SNTG2: variants seen among roughly 807,000 people sequenced by gnomAD.
SNTG2 encodes the protein syntrophin gamma 2, also known as gamma-2-syntrophin.
SNTG2 carries 74 observed loss-of-function variants against 70.9 expected under a neutral mutation model. The ratio of observed to expected loss-of-function variants is 1.04; its 90% CI spans 0.86 to 1.27. The LOEUF (loss-of-function observed/expected upper bound fraction) is 1.27. SNTG2 is among the 50% of genes most tolerant of loss of function. SNTG2 has a pLI of 0.00. For missense variants in SNTG2, 717 were observed against 690.7 expected, an observed-to-expected ratio of 1.04 and a Z score of -0.43; for synonymous variants, 278 against 273.8, an observed-to-expected ratio of 1.02 and a Z score of -0.15.
rs546960187 is a variant in SNTG2 at position 1,100,269 on chromosome 2, C to T, written c.325+1859C>T. Among the ~76,000 whole-genome samples the T allele has an allele frequency of 5.3e-5, 8 of 152,064 alleles. No homozygotes were observed. The South Asian group carries it at 6.2e-4, about 12-fold the overall frequency. ...GCAACCTCCACCTCCCAGGTTCAAG[C>T]GATTCTTCTGCCTCAGCCTCCCGAG... On this transcript the variant is annotated intron_variant, in intron 4 of 16. Transcript: ENST00000308624.
At chr2:953,205 G>A (rs1267868864) in intron 1 of SNTG2, among the ~76,000 whole-genome samples, 1 of 152,166 alleles carries the variant, frequency 6.6e-6, no homozygotes, top group Non-Finnish European at 1.5e-5. Context: ...TGAGTTCATG[G>A]AGCTCTGTCT....
chr2:1,100,159 T>C (rs1225742541), intron 4 of SNTG2, among the ~76,000 whole-genome samples: 1 of 152,044 alleles, frequency 6.6e-6, no homozygotes. Flanking sequence ...CCAGGGTTTT[T>C]TTTTTTGGTT....
intron 1 of SNTG2, among the ~76,000 whole-genome samples, chr2:1,001,191 C>T (rs1257855021): frequency 6.6e-6 from 1 of 151,968 alleles, no homozygotes; most frequent in African/African-American, 2.4e-5. Flanking sequence ...CAAAAACATG[C>T]TCCTAAGAGC....
At chr2:1,271,945 A>G (rs1204570045) in intron 14 of SNTG2, among the ~76,000 whole-genome samples, 3 of 152,074 alleles carry the variant, frequency 2.0e-5, no homozygotes, top group Non-Finnish European at 4.4e-5. Flanking sequence ...CTTCTCGTCA[A>G]GGGAACGCTA....
At chr2:1,351,533 G>A (rs1439467738) in intron 16 of SNTG2, among the ~76,000 whole-genome samples, 1 of 152,072 alleles carries the variant, frequency 6.6e-6, no homozygotes, top group Non-Finnish European at 1.5e-5. Flanking sequence ...CTAACCCGAC[G>A]AATCTGAACA....
chr2:1,178,333 C>T (rs902376238), intron 8 of SNTG2, among the ~76,000 whole-genome samples: 1 of 152,174 alleles, frequency 6.6e-6, no homozygotes, highest in African/African-American at 2.4e-5. Context: ...GAACTTCCAA[C>T]ACTATGTTGA....
At chr2:1,292,249 T>G (rs893889387) in intron 14 of SNTG2, among the ~76,000 whole-genome samples, 33 of 152,274 alleles carry the variant, frequency 2.2e-4, no homozygotes, top group African/African-American at 7.2e-4. Flanking sequence ...GATTTTTTTT[T>G]GTTCTGTCTT....
In SNTG2 at chr2:1,365,099, T is replaced by C. The variant is rs368090418; in HGVS notation, c.1489-2244T>C. Among the ~76,000 whole-genome samples, 4 of 139,806 alleles carry C rather than the reference T, an allele frequency of 2.9e-5. No homozygotes were observed. In the South Asian group the frequency reaches 9.5e-4, roughly 33 times the overall value. 91.7% of individuals were successfully genotyped at this position (139,806 alleles called of 152,430 possible). Reference sequence around the variant, plus strand: ...AGAAAGCTACTTGGTTTTTTTTTTTTCCTCTAACAGGGATAAGTCAAAATG... The same window carrying C: ...AGAAAGCTACTTGGTTTTTTTTTTTCCCTCTAACAGGGATAAGTCAAAATG... On this transcript the variant is annotated intron_variant, in intron 16 of 16. Coordinates refer to ENST00000308624, the MANE Select transcript of SNTG2 (RefSeq NM_018968.4).
chr2:1,152,353 A>G (rs1236386775), intron 6 of SNTG2, among the ~76,000 whole-genome samples: 2 of 152,364 alleles, frequency 1.3e-5, no homozygotes, highest in East Asian at 1.9e-4. Flanking sequence ...ACATGTGTAT[A>G]CATGTTTGTG....
intron 1 of SNTG2, among the ~76,000 whole-genome samples, chr2:1,022,809 C>G (rs1416651204): frequency 6.6e-6 from 1 of 152,162 alleles, no homozygotes; most frequent in Non-Finnish European, 1.5e-5. Flanking sequence ...ATGAGAATCT[C>G]CTTGTGTAGC....
At chr2:1,314,668 C>A (rs564731698) in intron 15 of SNTG2, among the ~76,000 whole-genome samples, 1 of 152,352 alleles carries the variant, frequency 6.6e-6, no homozygotes, top group African/African-American at 2.4e-5. Context: ...AATTGACAAC[C>A]ACGGGATATT....
chr2:1,123,235 T>A (rs1391851427), intron 4 of SNTG2, among the ~76,000 whole-genome samples: 2 of 152,014 alleles, frequency 1.3e-5, no homozygotes, highest in Non-Finnish European at 2.9e-5. Context: ...TCATATGGAA[T>A]CACAAAAGAC....
intron 9 of SNTG2, chr2:1,219,907 A>C (rs903604692): frequency 3.9e-5 from 6 of 152,240 alleles, no homozygotes; most frequent in African/African-American, 1.4e-4. Context: ...CAGAAGAAGA[A>C]GGCAGATGGG....
chr2:1,030,242 G>A (rs1030319428), intron 1 of SNTG2, among the ~76,000 whole-genome samples: 5 of 152,132 alleles, frequency 3.3e-5, no homozygotes, highest in African/African-American at 4.8e-5. Context: ...CAGTCATGCC[G>A]CCTTCCACTG....
chr2:977,774 A>G (rs1296189579), intron 1 of SNTG2, among the ~76,000 whole-genome samples: 7 of 151,922 alleles, frequency 4.6e-5, no homozygotes, highest in African/African-American at 2.4e-5. Flanking sequence ...CGTCACGGCC[A>G]TGTGGTTCTT....
intron 16 of SNTG2, among the ~76,000 whole-genome samples, chr2:1,364,007 G>T (rs561925752): frequency 2.0e-5 from 3 of 152,100 alleles, no homozygotes; most frequent in South Asian, 4.1e-4. Flanking sequence ...TTTCACTCTT[G>T]TTGCCCAGGC....
intron 13 of SNTG2, among the ~76,000 whole-genome samples, chr2:1,263,558 G>C (rs1386319447): frequency 4.6e-5 from 7 of 151,492 alleles, no homozygotes; most frequent in African/African-American, 1.7e-4. Flanking sequence ...CTAGGTGGGG[G>C]GTGGGCTTTC....
chr2:1,301,164 G>A (rs1330158202), intron 14 of SNTG2, among the ~76,000 whole-genome samples: 2 of 152,090 alleles, frequency 1.3e-5, no homozygotes, highest in Non-Finnish European at 2.9e-5. Context: ...GGCGGGGAAG[G>A]GTCAAGGTGA....
intron 6 of SNTG2, among the ~76,000 whole-genome samples, chr2:1,156,256 C>A (rs1162147254): frequency 6.6e-6 from 1 of 152,104 alleles, no homozygotes; most frequent in Non-Finnish European, 1.5e-5. Flanking sequence ...GGCAGAGGCT[C>A]AAAGGGAGGG....
Sources: allele counts gnomAD v4.1 joint callset (sites outside exome capture counted in the v4.1 genomes callset), GRCh38; gene constraint gnomAD v4.1.1; transcripts MANE v1.5; gene names NCBI Gene and HGNC (gene_info 2026-07-23, HGNC 2026-07-21).